Variants in CCSER1 observed in about 807,000 individuals in gnomAD.
CCSER1 encodes the protein coiled-coil serine rich protein 1, also known as serine-rich coiled-coil domain-containing protein 1.
CCSER1 carries 41 observed loss-of-function variants against 82.0 expected under a neutral mutation model. The ratio of observed to expected loss-of-function variants is 0.50; its 90% CI spans 0.39 to 0.65. CCSER1 has a LOEUF of 0.65. Ranked by LOEUF, CCSER1 falls within the 30% of genes least tolerant of loss-of-function variation. The probability of loss-of-function intolerance (pLI) is 0.00; values close to 1 mark genes in which losing one functional copy is unlikely to be tolerated. For synonymous variants in CCSER1, 414 were observed against 383.9 expected, an observed-to-expected ratio of 1.08 and a Z score of -0.92; for missense variants, 1,119 against 1,064.2, an observed-to-expected ratio of 1.05 and a Z score of -0.72.
chr4:90,450,628 C>T (rs74889622), intron 4 of CCSER1, among the ~76,000 whole-genome samples: 1,812 of 152,260 alleles, frequency 0.012, 16 homozygotes, highest in South Asian at 0.022. Context: ...CCGTCAGTTC[C>T]CTGGTCTTTT....
chr4:90,799,865 G>A (rs553437102), intron 7 of CCSER1, among the ~76,000 whole-genome samples: 11 of 152,148 alleles, frequency 7.2e-5, no homozygotes, highest in Non-Finnish European at 1.0e-4. Context: ...GGTCAACGGG[G>A]CTCCTCCTGC....
chr4:90,988,701 T>C (rs1201699896), intron 9 of CCSER1, among the ~76,000 whole-genome samples: 5 of 151,864 alleles, frequency 3.3e-5, no homozygotes, highest in Non-Finnish European at 5.9e-5. Context: ...ACTTGATGGC[T>C]GATTTGTTTC....
At chr4:90,980,291 T>C (rs748201586) in intron 9 of CCSER1, among the ~76,000 whole-genome samples, 4 of 151,770 alleles carry the variant, frequency 2.6e-5, no homozygotes, top group African/African-American at 9.7e-5. Context: ...GGAAATATGA[T>C]AGCTCTGAGG....
At chr4:90,467,824 G>A (rs1004622790) in intron 4 of CCSER1, among the ~76,000 whole-genome samples, 5 of 152,350 alleles carry the variant, frequency 3.3e-5, no homozygotes, top group African/African-American at 1.2e-4. Context: ...AGAGGTTCCA[G>A]TAGTGTTTGG....
chr4:90,623,248 A>G (rs1209480959), intron 5 of CCSER1, among the ~76,000 whole-genome samples: 1 of 151,576 alleles, frequency 6.6e-6, no homozygotes, highest in Non-Finnish European at 1.5e-5. Context: ...GTTAACCTGG[A>G]TGGTCTCGAT....
intron 3 of CCSER1, among the ~76,000 whole-genome samples, chr4:90,353,243 A>G (rs2153513761): frequency 6.6e-6 from 1 of 152,316 alleles, no homozygotes; most frequent in Middle Eastern, 3.4e-3. Context: ...TTGAAGTAGC[A>G]TACATATAGC....
At chr4:90,502,924 T>G (rs1394903508) in intron 5 of CCSER1, among the ~76,000 whole-genome samples, 1 of 152,124 alleles carries the variant, frequency 6.6e-6, no homozygotes, top group Non-Finnish European at 1.5e-5. Flanking sequence ...TAAGCATCAC[T>G]AAGGTTTTCT....
intron 4 of CCSER1, among the ~76,000 whole-genome samples, chr4:90,401,578 G>T (rs148297792): frequency 6.6e-4 from 101 of 152,272 alleles, no homozygotes; most frequent in African/African-American, 2.4e-3. Context: ...CTGTTGCCCA[G>T]GCTGGAGTCC....
intron 10 of CCSER1, among the ~76,000 whole-genome samples, chr4:91,473,840 G>A (rs904753898): frequency 6.6e-6 from 1 of 151,968 alleles, no homozygotes; most frequent in Non-Finnish European, 1.5e-5. Flanking sequence ...AGCTGACTAG[G>A]CATCCAGGCT....
At chr4:90,995,866 CTTTT>C (rs1394193915) in intron 9 of CCSER1, among the ~76,000 whole-genome samples, 2 of 151,912 alleles carry the variant, frequency 1.3e-5, no homozygotes, top group African/African-American at 4.8e-5. Context: ...CTTTCTGATT[CTTTT>C]GTTATTCTTA....
intron 10 of CCSER1, among the ~76,000 whole-genome samples, chr4:91,250,671 CT>C (rs201023511): frequency 9.3e-5 from 14 of 149,964 alleles, no homozygotes; most frequent in Non-Finnish European, 1.8e-4. Context: ...TAAATGATGC[CT>C]TTTTTTTGGT....
chr4:91,133,306 C>A (rs1728166617), intron 10 of CCSER1, among the ~76,000 whole-genome samples: 1 of 151,826 alleles, frequency 6.6e-6, no homozygotes, highest in Non-Finnish European at 1.5e-5. Flanking sequence ...TCTGGCGAGG[C>A]AGGAACAGAA....
rs763960849 is a variant in CCSER1 at position 90,792,663 on chromosome 4, G to A, written c.2011-23099G>A. Among the ~76,000 whole-genome samples the A allele has an allele frequency of 5.9e-4, 90 of 152,346 alleles. 1 individual carries two copies. The highest frequency in any genetic ancestry group is 4.9e-3 in the Admixed American group (75 of 15,304). On this transcript the variant is annotated intron_variant, in intron 7 of 10. Coordinates refer to ENST00000509176, the MANE Select transcript of CCSER1 (RefSeq NM_001145065.2). The stretch of plus-strand genomic sequence containing the variant: ...AAGGCAGAACTCTTTGTTACTTACA[G>A]CTCAAAGGAAAGAAGGCTGCCCTGT...
chr4:91,493,663 A>G (rs1033038207), intron 10 of CCSER1, among the ~76,000 whole-genome samples: 5 of 151,708 alleles, frequency 3.3e-5, no homozygotes, highest in Non-Finnish European at 7.4e-5. Context: ...TGTCACTGGC[A>G]TTTTAGCATG....
chr4:91,510,734 G>A (rs1425272744), intron 10 of CCSER1, among the ~76,000 whole-genome samples: 2 of 151,872 alleles, frequency 1.3e-5, no homozygotes, highest in African/African-American at 4.8e-5. Context: ...ACCTTTTTTG[G>A]ATACATCGTT....
At chr4:91,561,072 C>A (rs555787845) in intron 10 of CCSER1, among the ~76,000 whole-genome samples, 69 of 151,482 alleles carry the variant, frequency 4.6e-4, no homozygotes, top group African/African-American at 1.6e-3. Flanking sequence ...AGTCATCTCT[C>A]TCCTAACCTA....
chr4:90,290,510 T>C (rs1730718254), intron 1 of CCSER1, among the ~76,000 whole-genome samples: 1 of 151,956 alleles, frequency 6.6e-6, no homozygotes, highest in Non-Finnish European at 1.5e-5. Flanking sequence ...TTTCTTTGAA[T>C]ATTTTATTTT....
At chr4:90,521,672 T>G (rs1470986871) in intron 5 of CCSER1, among the ~76,000 whole-genome samples, 1 of 152,104 alleles carries the variant, frequency 6.6e-6, no homozygotes, top group Non-Finnish European at 1.5e-5. Flanking sequence ...CTGCAGGATT[T>G]TTTTTTTTAG....
At chr4:90,457,508 C>T (rs760000855) in intron 4 of CCSER1, among the ~76,000 whole-genome samples, 33 of 152,142 alleles carry the variant, frequency 2.2e-4, no homozygotes, top group Non-Finnish European at 4.1e-4. Context: ...TACAGTACAG[C>T]TCTCCAGAGA....
Sources: gnomAD v4.1 joint callset for allele counts (sites outside exome capture counted in the v4.1 genomes callset) on GRCh38, gnomAD v4.1.1 for gene constraint, MANE v1.5 for transcripts, NCBI Gene and HGNC (gene_info 2026-07-23, HGNC 2026-07-21) for gene names.